SOX5: variants seen among roughly 807,000 people sequenced by gnomAD.
SOX5 encodes SRY-box transcription factor 5.
Under a neutral mutation model 92.0 loss-of-function variants are expected in SOX5, and 9 were observed. That is an observed-to-expected ratio of 0.10 (90% confidence interval 0.06 to 0.17). SOX5 has a LOEUF of 0.17. Among genes scored for constraint, SOX5 ranks in the 10% least tolerant of loss-of-function variants. The pLI is 1.00. For synonymous variants in SOX5, 344 were observed against 336.3 expected, an observed-to-expected ratio of 1.02 and a Z score of -0.25; for missense variants, 642 against 944.5, an observed-to-expected ratio of 0.68 and a Z score of 4.20.
Position 23,566,209 on chromosome 12 carries a change from G to T in SOX5, c.1343-2806C>A, listed in dbSNP as rs531320662. ...AGATACTTAAGGTTCTCTTTTCTCCGAAAACAAGCAAATAAAGTGTCTTCT... is the reference window on the plus strand; with the variant it reads ...AGATACTTAAGGTTCTCTTTTCTCCTAAAACAAGCAAATAAAGTGTCTTCT... On this transcript the variant is annotated intron_variant, in intron 10 of 14. Transcript: ENST00000451604. 3.3e-5 allele frequency among the ~76,000 whole-genome samples: 5 copies of T among 152,022 alleles called. No individual in the cohort carries two copies. In the South Asian group the frequency reaches 8.3e-4, roughly 25 times the overall value.
chr12:24,424,539 G>C (rs566903029), intron 1 of SOX5, among the ~76,000 whole-genome samples: 5 of 152,000 alleles, frequency 3.3e-5, no homozygotes, highest in African/African-American at 9.7e-5. Context: ...AACAGCTTGG[G>C]GGCACTTGTC....
chr12:24,061,759 A>AAAC (rs1555496992), intron 4 of SOX5, among the ~76,000 whole-genome samples: 14 of 147,760 alleles, frequency 9.5e-5, no homozygotes, highest in South Asian at 4.3e-4. Flanking sequence ...AAAAAAAAAA[A>AAAC]AAAACCTTTC....
chr12:23,972,207 C>G (rs529383508), intron 4 of SOX5, among the ~76,000 whole-genome samples: 3 of 152,250 alleles, frequency 2.0e-5, no homozygotes, highest in African/African-American at 7.2e-5. Context: ...AGCGTTACTT[C>G]AAGGTATGTC....
intron 8 of SOX5, among the ~76,000 whole-genome samples, chr12:23,627,410 C>A (rs2077970135): frequency 6.6e-6 from 1 of 152,126 alleles, no homozygotes; most frequent in Admixed American, 6.6e-5. Flanking sequence ...AGATGAATTT[C>A]TCTATTTGCC....
intron 6 of SOX5, among the ~76,000 whole-genome samples, chr12:23,687,389 G>A (rs956812448): frequency 2.0e-5 from 3 of 151,798 alleles, no homozygotes; most frequent in Admixed American, 6.6e-5. Context: ...TGATACACAC[G>A]CACGATATTA....
chr12:24,558,558 T>C (rs1776722296), intron 1 of SOX5, among the ~76,000 whole-genome samples: 1 of 152,200 alleles, frequency 6.6e-6, no homozygotes, highest in African/African-American at 2.4e-5. Flanking sequence ...ATTTCTCCCC[T>C]CTTAAATATC....
At chr12:24,055,643 A>G (rs1592728425) in intron 4 of SOX5, among the ~76,000 whole-genome samples, 1 of 152,376 alleles carries the variant, frequency 6.6e-6, no homozygotes, top group East Asian at 1.9e-4. Flanking sequence ...TAAAAATGAA[A>G]AGACATAAGA....
intron 1 of SOX5, among the ~76,000 whole-genome samples, chr12:24,455,774 C>T (rs1596869899): frequency 1.3e-5 from 2 of 152,302 alleles, no homozygotes; most frequent in South Asian, 4.1e-4. Flanking sequence ...GATGTCCCTC[C>T]AGGACCAAGG....
At chr12:23,876,505 T>C (rs1595285381) in intron 2 of SOX5, among the ~76,000 whole-genome samples, 1 of 152,114 alleles carries the variant, frequency 6.6e-6, no homozygotes, top group Non-Finnish European at 1.5e-5. Context: ...TGTGGAGAAA[T>C]AGGAATGCTT....
intron 1 of SOX5, among the ~76,000 whole-genome samples, chr12:23,899,503 C>T (rs1295023747): frequency 6.6e-6 from 1 of 151,812 alleles, no homozygotes; most frequent in Non-Finnish European, 1.5e-5. Context: ...CAATTTGTAA[C>T]AATGTGAGCA....
chr12:24,473,977 T>C (rs1273650328), intron 1 of SOX5, among the ~76,000 whole-genome samples: 1 of 152,192 alleles, frequency 6.6e-6, no homozygotes. Context: ...TTCTGATTAA[T>C]CAAAAATGGA....
intron 6 of SOX5, among the ~76,000 whole-genome samples, chr12:23,680,354 TATA>T (rs2086411410): frequency 3.0e-5 from 3 of 98,940 alleles, no homozygotes; most frequent in African/African-American, 1.1e-4. Context: ...AAAAGAAAAA[TATA>T]ATAACAGAAA....
At chr12:23,951,424 G>A (rs946083392), upstream of SOX5, among the ~76,000 whole-genome samples, 13 of 150,104 alleles carry the variant, frequency 8.7e-5, no homozygotes, top group Admixed American at 2.7e-4. Context: ...TTGACCCCAC[G>A]GCAGTTTGAT....
chr12:23,959,812 G>T (rs900363000), intron 4 of SOX5, among the ~76,000 whole-genome samples: 2 of 152,094 alleles, frequency 1.3e-5, no homozygotes, highest in Non-Finnish European at 2.9e-5. Flanking sequence ...AATGAAAAAT[G>T]CAATTTTCAA....
chr12:23,966,810 C>T (rs889127928), intron 4 of SOX5, among the ~76,000 whole-genome samples: 3 of 152,070 alleles, frequency 2.0e-5, no homozygotes, highest in East Asian at 1.9e-4. Context: ...TAAACTGAAA[C>T]GTAATATGTA....
Position 24,007,032 on chromosome 12 carries a change from C to T in SOX5, c.-1-111008G>A, listed in dbSNP as rs1468757621. Among the ~76,000 whole-genome samples the T allele has an allele frequency of 4.0e-5, 6 of 150,082 alleles. No homozygotes were observed. In the Admixed American group the frequency reaches 4.0e-4, roughly 10 times the overall value. On this transcript the variant is annotated intron_variant, in intron 4 of 4. Coordinates refer to the SOX5 transcript ENST00000446891. ...TCTGTAATCCCAGCTACTCGGGAGGCTGAGGCAGGAGAACCACTTGAACCC... is the reference window on the plus strand; with the variant it reads ...TCTGTAATCCCAGCTACTCGGGAGGTTGAGGCAGGAGAACCACTTGAACCC...
At chr12:23,541,205 G>C (rs564526596) in intron 13 of SOX5, among the ~76,000 whole-genome samples, 5 of 152,102 alleles carry the variant, frequency 3.3e-5, no homozygotes, top group Admixed American at 2.0e-4. Flanking sequence ...AGATACTTTT[G>C]CTACATTTCC....
chr12:24,278,838 T>A (rs7965020), intron 2 of SOX5, among the ~76,000 whole-genome samples: 3 of 151,212 alleles, frequency 2.0e-5, no homozygotes, highest in African/African-American at 4.9e-5. Flanking sequence ...TGTATTTCCA[T>A]AAAAAATTGT....
intron 2 of SOX5, among the ~76,000 whole-genome samples, chr12:24,311,341 T>C (rs1043151172): frequency 2.6e-5 from 4 of 152,222 alleles, no homozygotes; most frequent in Non-Finnish European, 5.9e-5. Flanking sequence ...TTTCTGAAGG[T>C]TCATTAAATA....
Sources: allele counts gnomAD v4.1 joint callset (sites outside exome capture counted in the v4.1 genomes callset), GRCh38; gene constraint gnomAD v4.1.1; transcripts MANE v1.5; gene names NCBI Gene and HGNC (gene_info 2026-07-23, HGNC 2026-07-21).